MCTP1: variants seen among roughly 807,000 people sequenced by gnomAD.
The protein encoded by MCTP1 is multiple C2 and transmembrane domain containing 1.
In MCTP1, 69 loss-of-function variants were observed where a neutral mutation model predicts 120.6. The observed-to-expected ratio is 0.57, with a 90% confidence interval of 0.47 to 0.70. The LOEUF (loss-of-function observed/expected upper bound fraction) is 0.70, where lower values mean the gene tolerates loss of function less well. Ranked by LOEUF, MCTP1 falls within the 30% of genes least tolerant of loss-of-function variation. The pLI is 0.00. For missense variants in MCTP1, 1,203 were observed against 1,248.8 expected (o/e 0.96, Z 0.55); for synonymous variants, 529 against 493.1 (o/e 1.07, Z -0.96).
At chr5:94,759,706 T>C (rs1770819720) in intron 19 of MCTP1, among the ~76,000 whole-genome samples, 1 of 152,158 alleles carries the variant, frequency 6.6e-6, no homozygotes, top group African/African-American at 2.4e-5. Context: ...GGCAGCCTAA[T>C]ATCATTGCCA....
chr5:95,232,066 C>T (rs1396735433), intron 1 of MCTP1, among the ~76,000 whole-genome samples: 6 of 150,948 alleles, frequency 4.0e-5, no homozygotes, highest in Middle Eastern at 3.4e-3. Flanking sequence ...CAGCATCTCC[C>T]CAGTTGCAAA....
intron 1 of MCTP1, among the ~76,000 whole-genome samples, chr5:95,053,541 C>T (rs73138092): frequency 4.6e-5 from 7 of 152,112 alleles, no homozygotes; most frequent in African/African-American, 1.7e-4. Flanking sequence ...TATTGAGAGA[C>T]CACGATTGCA....
At chr5:95,019,166 T>C (rs751402778) in intron 1 of MCTP1, among the ~76,000 whole-genome samples, 1 of 152,124 alleles carries the variant, frequency 6.6e-6, no homozygotes, top group Non-Finnish European at 1.5e-5. Context: ...CAAAATTGTA[T>C]GATTTTATGA....
At chr5:95,220,380 C>A (rs1753552618) in intron 1 of MCTP1, among the ~76,000 whole-genome samples, 2 of 150,998 alleles carry the variant, frequency 1.3e-5, no homozygotes, top group African/African-American at 4.9e-5. Flanking sequence ...CTGGCCTCTA[C>A]AAGCATGTAC....
At chr5:94,840,969 T>C (rs1054711615) in intron 17 of MCTP1, among the ~76,000 whole-genome samples, 3 of 152,156 alleles carry the variant, frequency 2.0e-5, no homozygotes, top group African/African-American at 7.2e-5. Flanking sequence ...ATACCACCCT[T>C]AGTGGCCACT....
intron 1 of MCTP1, among the ~76,000 whole-genome samples, chr5:95,232,572 C>A (rs1755089059): frequency 6.6e-6 from 1 of 151,566 alleles, no homozygotes; most frequent in Non-Finnish European, 1.5e-5. Context: ...CGTTCTCCTG[C>A]CTCAGCCTCC....
At chr5:94,714,061 A>G (rs1004392564) in intron 20 of MCTP1, among the ~76,000 whole-genome samples, 1 of 152,174 alleles carries the variant, frequency 6.6e-6, no homozygotes, top group African/African-American at 2.4e-5. Context: ...ATATCTTTTA[A>G]CTGATAATTG....
intron 2 of MCTP1, among the ~76,000 whole-genome samples, chr5:95,005,304 T>C (rs1562003127): frequency 6.6e-6 from 1 of 152,224 alleles, no homozygotes; most frequent in Non-Finnish European, 1.5e-5. Context: ...GGGACTTGCC[T>C]TGTTTCAGAT....
At chr5:94,734,240 C>T (rs1763718150) in intron 19 of MCTP1, among the ~76,000 whole-genome samples, 1 of 152,152 alleles carries the variant, frequency 6.6e-6, no homozygotes. Flanking sequence ...GCTGTTCATT[C>T]CTCTGTAGAC....
At chr5:94,949,451 C>T (rs1819930089) in intron 3 of MCTP1, among the ~76,000 whole-genome samples, 2 of 152,054 alleles carry the variant, frequency 1.3e-5, no homozygotes, top group Admixed American at 1.3e-4. Flanking sequence ...CTCACCTGCA[C>T]AGAAAATGCT....
chr5:95,155,208 C>A (rs950666163), intron 1 of MCTP1, among the ~76,000 whole-genome samples: 2 of 151,868 alleles, frequency 1.3e-5, no homozygotes, highest in African/African-American at 2.4e-5. Context: ...AATTGCATGA[C>A]TAAAAATATA....
chr5:95,009,875 G>C (rs1321910050), intron 2 of MCTP1, among the ~76,000 whole-genome samples: 1 of 152,160 alleles, frequency 6.6e-6, no homozygotes, highest in East Asian at 1.9e-4. Flanking sequence ...TGTTGTTTCT[G>C]GAAAATAGGT....
At chr5:95,203,769 A>G (rs966651000) in intron 1 of MCTP1, among the ~76,000 whole-genome samples, 1 of 152,216 alleles carries the variant, frequency 6.6e-6, no homozygotes. Context: ...GTGAATTGTA[A>G]CTTAACACAT....
chr5:94,797,418 T>C (rs563415161), intron 18 of MCTP1, among the ~76,000 whole-genome samples: 2 of 152,154 alleles, frequency 1.3e-5, no homozygotes, highest in Non-Finnish European at 2.9e-5. Context: ...AAAATCGCCA[T>C]GAAGTAAATG....
At chr5:94,948,211 C>A (rs1050256523) in intron 3 of MCTP1, among the ~76,000 whole-genome samples, 1 of 152,056 alleles carries the variant, frequency 6.6e-6, no homozygotes, top group Non-Finnish European at 1.5e-5. Flanking sequence ...CATAAACTAA[C>A]CCTTAATCTC....
At chr5:94,899,619 T>C (rs1804974801) in intron 10 of MCTP1, among the ~76,000 whole-genome samples, 1 of 152,220 alleles carries the variant, frequency 6.6e-6, no homozygotes, top group Non-Finnish European at 1.5e-5. Flanking sequence ...GCAGAAGTTA[T>C]CTCCTTGTAG....
Position 95,284,202 on chromosome 5 carries a change from A to C in MCTP1, c.374T>G (p.Ile125Ser). The stretch of plus-strand genomic sequence containing the variant: ...TACGGCGGGGAGCAAATGCTCGCGG[A>C]TCCGGCGGCGTAGCGTGGACCCCTG... ...AEQGSTLRRRIREHLLPAVKG... is the reference protein window; with the variant it reads ...AEQGSTLRRRSREHLLPAVKG... Residue 125 changes from isoleucine to serine, a missense_variant, in exon 1 of 23, where the codon ATC (isoleucine) becomes AGC (serine). Physicochemically the swap from Ile to Ser is moderately radical, Grantham distance 142. This residue lies in a region of MCTP1 where 463 missense variants were observed against 377.8 expected (regional missense o/e 1.23). Coordinates refer to ENST00000515393, the MANE Select transcript of MCTP1 (RefSeq NM_024717.7). The surrounding 1 kb of genome is among the most constrained non-coding windows in gnomAD (Gnocchi z 5.2). 3 of 1,557,688 alleles carry C rather than the reference A, an allele frequency of 1.9e-6. No homozygotes were observed. Among genetic ancestry groups the C allele is most frequent in the Non-Finnish European group, 2.6e-6 (3 of 1,155,084 alleles).
chr5:94,712,513 G>A (rs944414519), intron 20 of MCTP1, among the ~76,000 whole-genome samples: 7 of 151,828 alleles, frequency 4.6e-5, no homozygotes, highest in African/African-American at 1.7e-4. Context: ...TTAGGAATTA[G>A]TTGTTCCTTA....
chr5:94,790,885 A>C (rs1383086121), intron 18 of MCTP1, among the ~76,000 whole-genome samples: 1 of 152,164 alleles, frequency 6.6e-6, no homozygotes, highest in African/African-American at 2.4e-5. Flanking sequence ...ATATACTCTC[A>C]CCCAGAAATT....
Sources: allele counts gnomAD v4.1 joint callset (sites outside exome capture counted in the v4.1 genomes callset), GRCh38; gene constraint gnomAD v4.1.1; regional missense constraint gnomAD v4.1.1; non-coding constraint Gnocchi (gnomAD v3.1); transcripts MANE v1.5; gene names NCBI Gene and HGNC (gene_info 2026-07-23, HGNC 2026-07-21).